The following TBC1D19 variants were observed in gnomAD, a reference collection of about 807,000 sequenced individuals.
TBC1D19 encodes the protein TBC1 domain family, member 19.
TBC1D19 carries 60 observed loss-of-function variants against 89.0 expected under a neutral mutation model. That is an observed-to-expected ratio of 0.67 (90% confidence interval 0.55 to 0.84). TBC1D19 has a LOEUF of 0.84. Among genes scored for constraint, TBC1D19 ranks in the 40% least tolerant of loss-of-function variants. The pLI is 0.00. For synonymous variants in TBC1D19, 189 were observed against 199.7 expected (o/e 0.95, Z 0.45); for missense variants, 500 against 610.8 (o/e 0.82, Z 1.91).
chr4:26,737,717 C>G (rs1477546123), intron 16 of TBC1D19, among the ~76,000 whole-genome samples: 2 of 152,064 alleles, frequency 1.3e-5, no homozygotes, highest in African/African-American at 4.8e-5. Context: ...AACCAGTGTA[C>G]AAAAATAATC....
the TBC1D19 span, among the ~76,000 whole-genome samples, chr4:26,784,637 G>A: frequency 7.9e-5 from 12 of 152,258 alleles, no homozygotes; most frequent in African/African-American, 2.9e-4. Context: ...TCTCACTGTT[G>A]ACATACCAAA....
intron 15 of TBC1D19, among the ~76,000 whole-genome samples, chr4:26,731,944 G>A (rs78201162): frequency 0.011 from 1,632 of 152,178 alleles, 32 homozygotes; most frequent in African/African-American, 0.035. Context: ...ATTAAGCCTG[G>A]CTTTGAGAAA....
the TBC1D19 span, among the ~76,000 whole-genome samples, chr4:26,850,052 ATTTAGG>A: frequency 6.6e-6 from 1 of 151,910 alleles, no homozygotes; most frequent in Non-Finnish European, 1.5e-5. Flanking sequence ...CAGTCTTGAG[ATTTAGG>A]TTTATTGCTT....
At chr4:26,652,006 G>C (rs1392015423) in intron 7 of TBC1D19, among the ~76,000 whole-genome samples, 1 of 151,988 alleles carries the variant, frequency 6.6e-6, no homozygotes, top group African/African-American at 2.4e-5. Flanking sequence ...TTTATATGCT[G>C]GATTACATTT....
At chr4:26,787,580 G>A in the TBC1D19 span, among the ~76,000 whole-genome samples, 1 of 152,138 alleles carries the variant, frequency 6.6e-6, no homozygotes, top group Non-Finnish European at 1.5e-5. Context: ...GTTGCATCTG[G>A]TGTCACTGAG....
chr4:26,778,646 A>G, the TBC1D19 span, among the ~76,000 whole-genome samples: 1 of 152,124 alleles, frequency 6.6e-6, no homozygotes, highest in East Asian at 1.9e-4. Flanking sequence ...TTTCCTTCAG[A>G]TGGTCACTCT....
the TBC1D19 span, among the ~76,000 whole-genome samples, chr4:26,834,641 A>G: frequency 7.0e-4 from 107 of 152,250 alleles, no homozygotes; most frequent in African/African-American, 2.5e-3. Context: ...GGTCCTGAAG[A>G]GAGACCAAAA....
rs553625057 is a variant in TBC1D19 at position 26,632,222 on chromosome 4, G to A, written c.295-4989G>A. Among the ~76,000 whole-genome samples the A allele has an allele frequency of 5.9e-5, 9 of 151,954 alleles. No homozygotes were observed. In the South Asian group the frequency reaches 1.7e-3, roughly 28 times the overall value. On this transcript the variant is annotated intron_variant, in intron 4 of 20. Transcript: ENST00000264866. The stretch of plus-strand genomic sequence containing the variant: ...AGTACAGCTGACCCTTAAACAATGT[G>A]GGGTTTAGGGGTGCTGACCCTTCAT...
intron 1 of TBC1D19, among the ~76,000 whole-genome samples, chr4:26,606,243 G>A (rs781291554): frequency 3.3e-5 from 5 of 152,198 alleles, no homozygotes; most frequent in Non-Finnish European, 5.9e-5. Flanking sequence ...AGAGAGGCCA[G>A]TTAAGAAACT....
chr4:26,714,700 C>A (rs1183235729), intron 13 of TBC1D19, among the ~76,000 whole-genome samples: 2 of 152,012 alleles, frequency 1.3e-5, no homozygotes, highest in Non-Finnish European at 2.9e-5. Flanking sequence ...AAATTTGTAA[C>A]AGATTATTAG....
At chr4:26,765,138 A>G in the TBC1D19 span, among the ~76,000 whole-genome samples, 1 of 152,100 alleles carries the variant, frequency 6.6e-6, no homozygotes, top group African/African-American at 2.4e-5. Context: ...CCCAGAGACT[A>G]CTAGTAGGCG....
At chr4:26,706,824 A>G (rs905361986) in intron 13 of TBC1D19, among the ~76,000 whole-genome samples, 2 of 151,258 alleles carry the variant, frequency 1.3e-5, no homozygotes, top group African/African-American at 4.9e-5. Context: ...ATTTCCATAG[A>G]TTTGTAAATT....
chr4:26,725,272 CA>C (rs1717238171), intron 15 of TBC1D19, among the ~76,000 whole-genome samples: 1 of 152,164 alleles, frequency 6.6e-6, no homozygotes, highest in African/African-American at 2.4e-5. Flanking sequence ...TATTAAATTC[CA>C]GAGTTCAAAA....
At chr4:26,599,722 G>T (rs535365104) in intron 1 of TBC1D19, among the ~76,000 whole-genome samples, 124 of 152,106 alleles carry the variant, frequency 8.2e-4, no homozygotes, top group African/African-American at 2.9e-3. Flanking sequence ...AAGGCGGGCG[G>T]GTTGCCTGAG....
At chr4:26,815,671 T>C in the TBC1D19 span, among the ~76,000 whole-genome samples, 2 of 152,248 alleles carry the variant, frequency 1.3e-5, no homozygotes, top group Admixed American at 6.5e-5. Flanking sequence ...AAAGAGGCCA[T>C]TCTGACAGGA....
chr4:26,730,292 A>G (rs1717573420), intron 15 of TBC1D19, among the ~76,000 whole-genome samples: 1 of 152,190 alleles, frequency 6.6e-6, no homozygotes, highest in Non-Finnish European at 1.5e-5. Context: ...TGCTCAAAGG[A>G]TTTATTCTAC....
intron 11 of TBC1D19, among the ~76,000 whole-genome samples, chr4:26,674,472 G>T (rs1259030886): frequency 1.3e-5 from 2 of 151,978 alleles, no homozygotes; most frequent in African/African-American, 4.8e-5. Flanking sequence ...GGATTTTTTT[G>T]TTTGTTTTTT....
intron 10 of TBC1D19, among the ~76,000 whole-genome samples, chr4:26,673,440 T>TACACAC (rs1186152445): frequency 3.6e-4 from 6 of 16,586 alleles, no homozygotes; most frequent in Admixed American, 1.4e-3. Context: ...TATATATATA[T>TACACAC]ATATATACAC....
intron 11 of TBC1D19, among the ~76,000 whole-genome samples, chr4:26,675,426 T>G (rs1712718781): frequency 6.6e-6 from 1 of 152,142 alleles, no homozygotes; most frequent in African/African-American, 2.4e-5. Flanking sequence ...TTTTTACCCT[T>G]GAATTTTGGA....
Sources: allele counts gnomAD v4.1 joint callset (sites outside exome capture counted in the v4.1 genomes callset), GRCh38; gene constraint gnomAD v4.1.1; transcripts MANE v1.5; gene names NCBI Gene and HGNC (gene_info 2026-07-23, HGNC 2026-07-21).